SPMIP11: variants seen among roughly 807,000 people sequenced by gnomAD.
The protein encoded by SPMIP11 is long intergenic non-protein coding RNA 935.
At chr12:48,732,300 G>GTT in the SPMIP11 span, among the ~76,000 whole-genome samples, 1 of 152,092 alleles carries the variant, frequency 6.6e-6, no homozygotes, top group East Asian at 1.9e-4. Flanking sequence ...ATAGCAACCA[G>GTT]TTACCACTAA....
chr12:48,736,107 A>G, the SPMIP11 span: 1 of 453,122 alleles, frequency 2.2e-6, no homozygotes, highest in Non-Finnish European at 4.4e-6. Context: ...GTTTATCCCT[A>G]GAGTTAAGAA....
At chr12:48,737,540 A>G in the SPMIP11 span, among the ~76,000 whole-genome samples, 6 of 150,334 alleles carry the variant, frequency 4.0e-5, no homozygotes, top group Admixed American at 1.3e-4. Context: ...TCAGTCTCCC[A>G]TGTAGCTGGG....
the SPMIP11 span, chr12:48,727,544 A>G: frequency 2.4e-5 from 17 of 702,916 alleles, no homozygotes; most frequent in South Asian, 2.4e-4. Context: ...GAAAAGGAAC[A>G]CAACTGAAGA....
the SPMIP11 span, among the ~76,000 whole-genome samples, chr12:48,770,006 C>A: frequency 1.3e-5 from 2 of 151,840 alleles, no homozygotes; most frequent in African/African-American, 4.8e-5. Flanking sequence ...CGTGATCCGC[C>A]TGCCTCGGAC....
the SPMIP11 span, among the ~76,000 whole-genome samples, chr12:48,752,523 C>T: frequency 6.6e-6 from 1 of 152,114 alleles, no homozygotes; most frequent in African/African-American, 2.4e-5. Flanking sequence ...AGCCCAGCTT[C>T]CAGGGTTCAT....
chr12:48,768,238 A>G, the SPMIP11 span: 2 of 365,594 alleles, frequency 5.5e-6, no homozygotes, highest in South Asian at 5.6e-5. Context: ...GCCCAGACAG[A>G]CAGGGAAGGG....
At chr12:48,769,951 C>T in the SPMIP11 span, among the ~76,000 whole-genome samples, 1 of 151,770 alleles carries the variant, frequency 6.6e-6, no homozygotes, top group Non-Finnish European at 1.5e-5. Flanking sequence ...TTAGTAGAGA[C>T]GGAATTTCAC....
the SPMIP11 span, among the ~76,000 whole-genome samples, chr12:48,743,803 G>T: frequency 1.9e-4 from 29 of 151,814 alleles, no homozygotes; most frequent in South Asian, 5.0e-3. Flanking sequence ...GTGGTGGCAG[G>T]TGCCTGTAAT....
the SPMIP11 span, among the ~76,000 whole-genome samples, chr12:48,750,761 G>T: frequency 4.9e-4 from 74 of 152,260 alleles, no homozygotes; most frequent in African/African-American, 1.7e-3. Context: ...TGAATCTCCA[G>T]TCACCCTTTT....
chr12:48,731,492 A>G, the SPMIP11 span, among the ~76,000 whole-genome samples: 3 of 148,398 alleles, frequency 2.0e-5, no homozygotes, highest in East Asian at 1.9e-4. Flanking sequence ...CTCCATCTCA[A>G]AAAAAAAAAA....
the SPMIP11 span, among the ~76,000 whole-genome samples, chr12:48,762,552 G>A: frequency 6.6e-6 from 1 of 150,718 alleles, no homozygotes; most frequent in Non-Finnish European, 1.5e-5. Context: ...ATTTTTAGTA[G>A]AGACGAGGTT....
At chr12:48,728,065 A>G in the SPMIP11 span, among the ~76,000 whole-genome samples, 2 of 151,660 alleles carry the variant, frequency 1.3e-5, no homozygotes, top group Non-Finnish European at 2.9e-5. Context: ...AAAAAAAGAC[A>G]CACAATTTGT....
At chr12:48,751,557 G>T in the SPMIP11 span, among the ~76,000 whole-genome samples, 3 of 152,270 alleles carry the variant, frequency 2.0e-5, no homozygotes, top group Middle Eastern at 6.8e-3. Flanking sequence ...AGTGAGCCAT[G>T]ATTGCACCAG....
the SPMIP11 span, among the ~76,000 whole-genome samples, chr12:48,739,148 G>GT: frequency 6.6e-6 from 1 of 151,648 alleles, no homozygotes; most frequent in African/African-American, 2.4e-5. Flanking sequence ...TTTGGTCTCT[G>GT]TTTTTCTCAG....
the SPMIP11 span, among the ~76,000 whole-genome samples, chr12:48,750,263 G>A: frequency 3.9e-5 from 6 of 152,082 alleles, no homozygotes; most frequent in South Asian, 1.2e-3. Flanking sequence ...TGAGGAGAGA[G>A]GATTACTTGA....
the SPMIP11 span, chr12:48,768,703 A>G: frequency 6.2e-7 from 1 of 1,614,012 alleles, no homozygotes; most frequent in Non-Finnish European, 8.5e-7. Context: ...AACCTGGTAC[A>G]GGTCCGTGGT....
chr12:48,744,104 C>T, the SPMIP11 span, among the ~76,000 whole-genome samples: 10 of 149,090 alleles, frequency 6.7e-5, no homozygotes, highest in South Asian at 1.9e-3. Flanking sequence ...TAAAAATAGC[C>T]GGGCATGGTG....
At chr12:48,760,525 T>C in the SPMIP11 span, among the ~76,000 whole-genome samples, 1 of 150,516 alleles carries the variant, frequency 6.6e-6, no homozygotes. Context: ...GCTGTTGTTG[T>C]TGTTTGTTAT....
the SPMIP11 span, among the ~76,000 whole-genome samples, chr12:48,731,320 G>A: frequency 3.9e-5 from 6 of 152,178 alleles, no homozygotes; most frequent in Non-Finnish European, 5.9e-5. Context: ...GAGAAACCCC[G>A]TCTCTATTAA....
Sources: allele counts gnomAD v4.1 joint callset (sites outside exome capture counted in the v4.1 genomes callset), GRCh38; gene constraint gnomAD v4.1.1; transcripts MANE v1.5; gene names NCBI Gene and HGNC (gene_info 2026-07-23, HGNC 2026-07-21).